The following SLAMF1 variants were observed in gnomAD, a reference collection of about 807,000 sequenced individuals.
The protein encoded by SLAMF1 is signaling lymphocytic activation molecule.
A neutral mutation model predicts 35.1 loss-of-function variants in SLAMF1; 18 were observed. That is an observed-to-expected ratio of 0.51 (90% CI 0.35 to 0.76). SLAMF1 has a LOEUF of 0.76. Among genes scored for constraint, SLAMF1 ranks in the 30% least tolerant of loss-of-function variants. The pLI, the probability that SLAMF1 is intolerant of heterozygous loss-of-function variation, is 0.01. For synonymous variants in SLAMF1, 168 were observed against 157.2 expected (o/e 1.07, Z -0.51); for missense variants, 392 against 413.0 (o/e 0.95, Z 0.44).
At chr1:160,611,204 A>AGAAAAGTG (rs1272178155) in intron 6 of SLAMF1, among the ~76,000 whole-genome samples, 6 of 152,004 alleles carry the variant, frequency 3.9e-5, no homozygotes, top group African/African-American at 1.5e-4. Context: ...AAGGGAGAAG[A>AGAAAAGTG]GAAAAGTGGT....
At chr1:160,638,158 A>G (rs1382470938) in intron 1 of SLAMF1, among the ~76,000 whole-genome samples, 3 of 151,780 alleles carry the variant, frequency 2.0e-5, no homozygotes, top group Non-Finnish European at 2.9e-5. Flanking sequence ...ACAAGGTTAA[A>G]AAAAAAAATA....
intron 3 of SLAMF1, among the ~76,000 whole-genome samples, chr1:160,632,027 C>A (rs900607865): frequency 6.6e-6 from 1 of 151,802 alleles, no homozygotes; most frequent in Non-Finnish European, 1.5e-5. Context: ...CAGGGAGAGG[C>A]GCCTGGGAGA....
In SLAMF1 at chr1:160,637,290, C is replaced by T; in HGVS notation, c.316G>A (p.Gly106Arg). ...YKFYLENLTL[G>R]IRESRKEDEG... ...TCCTCCTTCCTGCTTTCCCGTATCC[C>T]CAGGGTGAGATTCTCCAGATAAAAC... Residue 106 changes from glycine (G) to arginine (R), a missense_variant, in exon 2 of 7, where the codon GGG (glycine) becomes AGG (arginine). Transcript: ENST00000302035. 6.2e-7 allele frequency: 1 copy of T among 1,613,996 alleles called. No individual in the cohort carries two copies. The highest frequency in any genetic ancestry group is 1.1e-5 in the South Asian group (1 of 91,070).
intron 2 of SLAMF1, among the ~76,000 whole-genome samples, chr1:160,635,832 G>A (rs754845703): frequency 2.6e-5 from 4 of 151,902 alleles, no homozygotes; most frequent in Non-Finnish European, 5.9e-5. Flanking sequence ...GCCCGCCTCG[G>A]CCTCCCAAAG....
chr1:160,614,336 G>A (rs1001784500), intron 5 of SLAMF1, among the ~76,000 whole-genome samples: 1 of 152,230 alleles, frequency 6.6e-6, no homozygotes, highest in African/African-American at 2.4e-5. Context: ...AGCACTTTGG[G>A]AGGCTGAGGT....
rs546838611 is a variant in SLAMF1 at position 160,640,966 on chromosome 1, A to G, written c.77-3437T>C. Reference sequence around the variant, plus strand: ...TGTTGGATTTTCTTCCACCACACTTATGGATGCCTGACTGTCTAGATAATG... The same window carrying G: ...TGTTGGATTTTCTTCCACCACACTTGTGGATGCCTGACTGTCTAGATAATG... On this transcript the variant is annotated intron_variant, in intron 1 of 6. Coordinates refer to ENST00000302035, the MANE Select transcript of SLAMF1 (RefSeq NM_003037.5). 2.6e-4 allele frequency among the ~76,000 whole-genome samples: 40 copies of G among 152,266 alleles called. No homozygotes were observed. In the South Asian group the frequency reaches 7.7e-3, roughly 29 times the overall value.
At chr1:160,645,953 A>C (rs933249757) in intron 1 of SLAMF1, among the ~76,000 whole-genome samples, 4 of 152,010 alleles carry the variant, frequency 2.6e-5, no homozygotes, top group Non-Finnish European at 5.9e-5. Context: ...CCGTAATGCC[A>C]CCTCTTCTAC....
chr1:160,610,598 T>C lies in SLAMF1; in HGVS notation c.*150A>G. The C allele has an allele frequency of 3.1e-6, 2 of 654,562 alleles. No individual in the cohort carries two copies. Among genetic ancestry groups the C allele is most frequent in the Non-Finnish European group, 5.6e-6 (2 of 359,768 alleles). The allele number at this position is 654,562 out of a possible 1,614,324, so 40.5% of individuals were successfully genotyped here. A position where few individuals can be genotyped will look rare whatever the true frequency, so the allele number is the denominator to read the frequency against. ...CTTCCTTGTTCATTTCACAGATGTA[T>C]GTGGAAGAAACATCACCAGGGAGTT... On this transcript the variant is annotated 3_prime_UTR_variant, in exon 7 of 7. Coordinates refer to ENST00000302035, the MANE Select transcript of SLAMF1 (RefSeq NM_003037.5).
intron 2 of SLAMF1, among the ~76,000 whole-genome samples, chr1:160,636,674 G>A (rs965593136): frequency 3.3e-5 from 5 of 152,184 alleles, no homozygotes; most frequent in Admixed American, 6.5e-5. Context: ...ATCTGGTGCC[G>A]GAATGCAGGG....
chr1:160,617,706 C>CCT (rs1465143713), intron 5 of SLAMF1, among the ~76,000 whole-genome samples: 1 of 152,132 alleles, frequency 6.6e-6, no homozygotes, highest in Non-Finnish European at 1.5e-5. Context: ...TGGGAAGTGG[C>CCT]ACAGGAGGCC....
At chr1:160,644,705 C>T (rs1660940879) in intron 1 of SLAMF1, among the ~76,000 whole-genome samples, 1 of 152,148 alleles carries the variant, frequency 6.6e-6, no homozygotes, top group Non-Finnish European at 1.5e-5. Flanking sequence ...CTCTGATTTC[C>T]AGTCCAGTGA....
intron 5 of SLAMF1, among the ~76,000 whole-genome samples, chr1:160,617,990 T>C (rs1156668922): frequency 6.6e-6 from 1 of 152,104 alleles, no homozygotes; most frequent in Non-Finnish European, 1.5e-5. Context: ...GGAGAATCAC[T>C]TGAACCCAGG....
chr1:160,637,153 G>C (rs369310413), intron 2 of SLAMF1, 38 bp downstream of exon 2: 2 of 1,428,734 alleles, frequency 1.4e-6, no homozygotes, highest in African/African-American at 2.8e-5. Context: ...GGAGCACCTT[G>C]GCCCTTTAGT....
At chr1:160,618,482 G>A (rs1438291364) in intron 5 of SLAMF1, among the ~76,000 whole-genome samples, 1 of 151,906 alleles carries the variant, frequency 6.6e-6, no homozygotes, top group Non-Finnish European at 1.5e-5. Context: ...CAGAGGAGGT[G>A]GAAGTTAGTC....
Position 160,624,201 on chromosome 1 carries a change from A to C in SLAMF1, c.701-16T>G, listed in dbSNP as rs1169533258. On this transcript the variant is annotated splice_polypyrimidine_tract_variant and intron_variant, in intron 3 of 6. Transcript: ENST00000302035. ...GGTTTTGTTTCTGGAAAAAAAAAGA[A>C]GTCAAAGAGCAATCTCAAAAGTATT... is the stretch of plus-strand genomic sequence containing the variant. 2.6e-6 allele frequency: 4 copies of C among 1,566,596 alleles called. No homozygotes were observed. Among genetic ancestry groups the C allele is most frequent in the Admixed American group, 1.7e-5 (1 of 57,526 alleles).
chr1:160,630,044 C>A (rs1660086263), intron 3 of SLAMF1, among the ~76,000 whole-genome samples: 1 of 152,204 alleles, frequency 6.6e-6, no homozygotes, highest in Non-Finnish European at 1.5e-5. Context: ...GCTGAGCCAG[C>A]GGTTTGCTGA....
chr1:160,643,849 G>A (rs548890931), intron 1 of SLAMF1, among the ~76,000 whole-genome samples: 82 of 152,212 alleles, frequency 5.4e-4, no homozygotes, highest in Non-Finnish European at 1.0e-3. Flanking sequence ...TATCAAACAC[G>A]AAGACCTATA....
At chr1:160,613,533 G>A (rs1659115338) in intron 5 of SLAMF1, among the ~76,000 whole-genome samples, 2 of 152,190 alleles carry the variant, frequency 1.3e-5, no homozygotes, top group Admixed American at 6.5e-5. Context: ...TTACAATAGG[G>A]AAGTCATTAA....
intron 3 of SLAMF1, among the ~76,000 whole-genome samples, chr1:160,627,152 C>A (rs73024325): frequency 0.03 from 4,504 of 152,262 alleles, 199 homozygotes; most frequent in African/African-American, 0.1. Context: ...CTACTCATAC[C>A]CTCTGTGGCT....
Sources: gnomAD v4.1 joint callset for allele counts (sites outside exome capture counted in the v4.1 genomes callset) on GRCh38, gnomAD v4.1.1 for gene constraint, MANE v1.5 for transcripts, NCBI Gene and HGNC (gene_info 2026-07-23, HGNC 2026-07-21) for gene names.